Variants in DCDC2C observed in about 807,000 individuals in gnomAD.
DCDC2C encodes the protein doublecortin domain-containing protein 2C.
In DCDC2C, 44 loss-of-function variants were observed where a neutral mutation model predicts 45.0. That is an observed-to-expected ratio of 0.98 (90% CI 0.77 to 1.26). DCDC2C has a LOEUF of 1.26. DCDC2C is among the 50% of genes most tolerant of loss of function. The pLI, the probability that DCDC2C is intolerant of heterozygous loss-of-function variation, is 0.00. For missense variants in DCDC2C, 447 were observed against 468.9 expected (o/e 0.95, Z 0.43); for synonymous variants, 187 against 178.8 (o/e 1.05, Z -0.37).
chr2:3,839,839 C>G (rs145723043), intron 10 of DCDC2C, among the ~76,000 whole-genome samples: 2 of 152,288 alleles, frequency 1.3e-5, no homozygotes, highest in East Asian at 3.9e-4. Flanking sequence ...CTACTGAGTT[C>G]AGTTAACTGA....
chr2:3,732,342 TCTG>T (rs1277838521), intron 3 of DCDC2C, among the ~76,000 whole-genome samples: 2 of 152,266 alleles, frequency 1.3e-5, no homozygotes, highest in African/African-American at 4.8e-5. Context: ...CTGGCTGTCA[TCTG>T]CTGCCTGAGG....
chr2:3,805,307 T>C (rs1671211664), intron 10 of DCDC2C, among the ~76,000 whole-genome samples: 1 of 152,250 alleles, frequency 6.6e-6, no homozygotes, highest in Non-Finnish European at 1.5e-5. Context: ...GCCAGGTTGA[T>C]GAGTCCGACC....
chr2:3,705,215 G>A (rs56305617), intron 1 of DCDC2C, among the ~76,000 whole-genome samples: 2,949 of 152,314 alleles, frequency 0.019, 104 homozygotes, highest in African/African-American at 0.066. Flanking sequence ...CATTTGCAAA[G>A]ATGTGAATTT....
intron 10 of DCDC2C, chr2:3,788,267 A>G (rs1278143710): frequency 6.6e-6 from 1 of 152,238 alleles, no homozygotes; most frequent in Non-Finnish European, 1.5e-5. Flanking sequence ...ATCTTAAATC[A>G]TGAATCTAAA....
chr2:3,736,028 T>C (rs1669013383), intron 3 of DCDC2C, among the ~76,000 whole-genome samples: 1 of 152,136 alleles, frequency 6.6e-6, no homozygotes, highest in Admixed American at 6.5e-5. Context: ...CCCAAATACA[T>C]CTAATATCCA....
chr2:3,722,088 C>G (rs1668518768), intron 2 of DCDC2C, among the ~76,000 whole-genome samples: 1 of 152,214 alleles, frequency 6.6e-6, no homozygotes, highest in Admixed American at 6.5e-5. Context: ...ACTTTGGAGG[C>G]AACAACTTTA....
intron 10 of DCDC2C, among the ~76,000 whole-genome samples, chr2:3,793,656 G>A (rs916929179): frequency 6.6e-6 from 1 of 152,232 alleles, no homozygotes; most frequent in African/African-American, 2.4e-5. Context: ...TCATTTCTCT[G>A]TTACAATAGA....
intron 1 of DCDC2C, among the ~76,000 whole-genome samples, chr2:3,707,623 G>A (rs1668099720): frequency 6.6e-6 from 1 of 152,198 alleles, no homozygotes. Context: ...TGATTGTTCA[G>A]AGGACTTGGT....
At chr2:3,749,171 T>G (rs1669462060) in intron 4 of DCDC2C, among the ~76,000 whole-genome samples, 1 of 152,266 alleles carries the variant, frequency 6.6e-6, no homozygotes, top group Admixed American at 6.5e-5. Context: ...TAAGGTTCAT[T>G]AAAAATCATT....
intron 10 of DCDC2C, among the ~76,000 whole-genome samples, chr2:3,843,478 A>G (rs1672261486): frequency 6.6e-6 from 1 of 152,144 alleles, no homozygotes; most frequent in Non-Finnish European, 1.5e-5. Context: ...GTTATTTCAA[A>G]TGGTTTTGTT....
chr2:3,704,209 G>A, intron 1 of DCDC2C, 171 bp downstream of exon 1: 1 of 581,698 alleles, frequency 1.7e-6, no homozygotes, highest in Non-Finnish European at 2.5e-6. Flanking sequence ...CCCAGGCCAC[G>A]TGGTTTCCTG....
chr2:3,755,119 A>G (rs1669651967), intron 6 of DCDC2C, among the ~76,000 whole-genome samples: 2 of 152,034 alleles, frequency 1.3e-5, no homozygotes, highest in Non-Finnish European at 2.9e-5. Flanking sequence ...GTGTGTATAA[A>G]TACATGTGTG....
chr2:3,719,725 A>G (rs1295877384), intron 2 of DCDC2C, among the ~76,000 whole-genome samples: 3 of 152,172 alleles, frequency 2.0e-5, no homozygotes, highest in Non-Finnish European at 1.5e-5. Context: ...CAGGTACCAA[A>G]CCAGCCTCCG....
At chr2:3,758,466 G>A (rs1669786765) in intron 6 of DCDC2C, among the ~76,000 whole-genome samples, 1 of 152,140 alleles carries the variant, frequency 6.6e-6, no homozygotes, top group Non-Finnish European at 1.5e-5. Flanking sequence ...TTATATACAC[G>A]GAAAGACCTA....
intron 2 of DCDC2C, among the ~76,000 whole-genome samples, chr2:3,712,542 G>A (rs541934087): frequency 1.3e-5 from 2 of 152,114 alleles, no homozygotes; most frequent in East Asian, 1.9e-4. Context: ...AAGCTGAGGC[G>A]GGAGGATCAC....
At position 3,742,082 on chromosome 2, in the gene DCDC2C, G is replaced by T. The variant is rs573680224; in HGVS notation, c.545+34G>T. 152 of 1,491,230 alleles carry T rather than the reference G, an allele frequency of 1.0e-4. No homozygotes were observed. The South Asian group carries it at 1.8e-3, about 18-fold the overall frequency. 92.4% of individuals were successfully genotyped at this position (1,491,230 alleles called of 1,614,324 possible). A position where few individuals can be genotyped will look rare whatever the true frequency, so the allele number is the denominator to read the frequency against. ...ACTCTCGCCTTTAGGACAGCCAGGG[G>T]GCGGCAGCTTGTGTTTATTCTTTCT... On this transcript the variant is annotated intron_variant, in intron 4 of 10. Coordinates refer to ENST00000399143, the MANE Select transcript of DCDC2C (RefSeq NM_001287444.2).
At chr2:3,817,599 T>C (rs1572639023) in intron 10 of DCDC2C, among the ~76,000 whole-genome samples, 1 of 152,204 alleles carries the variant, frequency 6.6e-6, no homozygotes, top group African/African-American at 2.4e-5. Flanking sequence ...CAGTGGCAGC[T>C]GCCACATGCA....
At chr2:3,791,765 C>A (rs1670817147) in intron 10 of DCDC2C, among the ~76,000 whole-genome samples, 1 of 152,214 alleles carries the variant, frequency 6.6e-6, no homozygotes, top group African/African-American at 2.4e-5. Flanking sequence ...ACTCTTCCTC[C>A]CCTCCCGCCG....
intron 2 of DCDC2C, among the ~76,000 whole-genome samples, chr2:3,725,479 GAGGAAGACGAGCAGA>G (rs1668627434): frequency 2.5e-4 from 25 of 99,948 alleles, no homozygotes; most frequent in East Asian, 1.5e-3. Flanking sequence ...GTGGATCCCA[GAGGAAGACGAGCAGA>G]GAGGGAGGAG....
Sources: allele counts gnomAD v4.1 joint callset (sites outside exome capture counted in the v4.1 genomes callset), GRCh38; gene constraint gnomAD v4.1.1; transcripts MANE v1.5; gene names NCBI Gene and HGNC (gene_info 2026-07-23, HGNC 2026-07-21).